SORCS1: variants seen among roughly 807,000 people sequenced by gnomAD.
SORCS1 encodes VPS10 domain-containing receptor SorCS1.
Under a neutral mutation model 146.1 loss-of-function variants are expected in SORCS1, and 60 were observed. The observed-to-expected ratio is 0.41, with a 90% confidence interval of 0.33 to 0.51. The LOEUF is 0.51. Among genes scored for constraint, SORCS1 ranks in the 20% least tolerant of loss-of-function variants. The pLI is 0.21. For synonymous variants in SORCS1, 637 were observed against 584.0 expected, an observed-to-expected ratio of 1.09 and a Z score of -1.31; for missense variants, 1,352 against 1,487.6, an observed-to-expected ratio of 0.91 and a Z score of 1.50.
chr10:106,618,068 G>T lies in SORCS1; in HGVS notation c.2920+81C>A. The T allele has an allele frequency of 1.9e-6, 3 of 1,569,702 alleles. No individual in the cohort carries two copies. The Admixed American group carries it at 5.2e-5, about 27-fold the overall frequency. On this transcript the variant is annotated intron_variant, in intron 21 of 25. Coordinates refer to ENST00000263054, the MANE Select transcript of SORCS1 (RefSeq NM_052918.5). ...TCTCCAGGTAAAAGTCACAGCTGGG[G>T]GATGGTCTCTGGCATCATGGCACAA...
intron 3 of SORCS1, among the ~76,000 whole-genome samples, chr10:106,826,553 CTT>C (rs1948314639): frequency 6.6e-6 from 1 of 152,192 alleles, no homozygotes; most frequent in African/African-American, 2.4e-5. Context: ...AGTACTATCT[CTT>C]TGATTCAAAT....
intron 2 of SORCS1, among the ~76,000 whole-genome samples, chr10:106,857,974 C>T (rs4918265): frequency 0.44 from 66,855 of 151,958 alleles, 14,795 homozygotes; most frequent in East Asian, 0.49. Flanking sequence ...ACATATAATT[C>T]AAATGTGCTG....
At position 106,657,661 on chromosome 10, in the gene SORCS1, A is replaced by ATGTGTGTGTGTGTGTG. The variant is rs10561308; in HGVS notation, c.2304-5124_2304-5109dup. Among the ~76,000 whole-genome samples the ATGTGTGTGTGTGTGTG allele has an allele frequency of 8.3e-5, 12 of 145,294 alleles. No homozygotes were observed. In the Admixed American group the frequency reaches 8.4e-4, roughly 10 times the overall value. On this transcript the variant is annotated intron_variant, in intron 17 of 25. Coordinates refer to ENST00000263054, the MANE Select transcript of SORCS1 (RefSeq NM_052918.5). ...ATATCTCAAAAATATATAACACTAT[A>ATGTGTGTGTGTGTGTG]TGTGTGTGTGTGTGTGTGTGTGTGT...
intron 2 of SORCS1, among the ~76,000 whole-genome samples, chr10:106,899,194 T>G (rs1228203712): frequency 6.6e-6 from 1 of 152,222 alleles, no homozygotes; most frequent in African/African-American, 2.4e-5. Context: ...TTGCTCTTCC[T>G]GTCAGTCACA....
chr10:106,639,302 C>G (rs796941065), intron 18 of SORCS1, among the ~76,000 whole-genome samples: 1 of 152,166 alleles, frequency 6.6e-6, no homozygotes, highest in Non-Finnish European at 1.5e-5. Flanking sequence ...AGTAGGCAGA[C>G]TAGGAGATTG....
chr10:106,707,140 G>A (rs979705729), intron 7 of SORCS1, among the ~76,000 whole-genome samples: 3 of 151,892 alleles, frequency 2.0e-5, no homozygotes, highest in Non-Finnish European at 2.9e-5. Context: ...TGGAAAACCA[G>A]GCTAGGATTG....
chr10:107,029,938 A>G (rs1235033160), intron 1 of SORCS1, among the ~76,000 whole-genome samples: 1 of 152,226 alleles, frequency 6.6e-6, no homozygotes, highest in Non-Finnish European at 1.5e-5. Context: ...CACAGCAATG[A>G]AAGAGTTGAT....
At chr10:107,072,659 C>T (rs1016331228) in intron 1 of SORCS1, among the ~76,000 whole-genome samples, 4 of 148,692 alleles carry the variant, frequency 2.7e-5, no homozygotes, top group Non-Finnish European at 5.9e-5. Flanking sequence ...AGAGAGAGAA[C>T]GAGAACACTT....
intron 2 of SORCS1, among the ~76,000 whole-genome samples, chr10:106,891,639 AC>A (rs1423204055): frequency 6.6e-6 from 1 of 151,924 alleles, no homozygotes; most frequent in Non-Finnish European, 1.5e-5. Flanking sequence ...CACTGAGATT[AC>A]AGGCATGAAC....
intron 5 of SORCS1, among the ~76,000 whole-genome samples, chr10:106,753,181 G>A (rs1422784074): frequency 6.6e-6 from 1 of 151,832 alleles, no homozygotes; most frequent in Non-Finnish European, 1.5e-5. Flanking sequence ...AACCTTTTTA[G>A]ACTTCATCCT....
At chr10:107,116,100 A>G (rs1966021136) in intron 1 of SORCS1, among the ~76,000 whole-genome samples, 1 of 151,688 alleles carries the variant, frequency 6.6e-6, no homozygotes, top group Non-Finnish European at 1.5e-5. Flanking sequence ...GGCCATTATC[A>G]AAAAGACAAA....
intron 23 of SORCS1, among the ~76,000 whole-genome samples, chr10:106,601,987 A>G (rs1163367222): frequency 6.6e-6 from 1 of 152,256 alleles, no homozygotes; most frequent in Non-Finnish European, 1.5e-5. Context: ...CAAAGAACAC[A>G]TTCAACATCC....
intron 1 of SORCS1, among the ~76,000 whole-genome samples, chr10:106,970,734 CTTTTTATTT>C (rs1267607678): frequency 6.6e-6 from 1 of 151,288 alleles, no homozygotes; most frequent in African/African-American, 2.4e-5. Context: ...TCTGACAACT[CTTTTTATTT>C]TTTTTATTTT....
intron 1 of SORCS1, among the ~76,000 whole-genome samples, chr10:107,081,381 T>G (rs1266836076): frequency 1.3e-5 from 2 of 152,232 alleles, no homozygotes; most frequent in African/African-American, 4.8e-5. Flanking sequence ...TTGACTTGAT[T>G]GCTTTTTATA....
intron 2 of SORCS1, among the ~76,000 whole-genome samples, chr10:106,942,999 G>T (rs1017913863): frequency 6.6e-6 from 1 of 152,088 alleles, no homozygotes; most frequent in Non-Finnish European, 1.5e-5. Flanking sequence ...CTTCTTGAGA[G>T]AGCTGTCTTC....
At chr10:106,618,967 C>T (rs1847562223) in intron 20 of SORCS1, among the ~76,000 whole-genome samples, 1 of 152,300 alleles carries the variant, frequency 6.6e-6, no homozygotes, top group Admixed American at 6.5e-5. Flanking sequence ...TATTAGCCTA[C>T]TGACCTCCCT....
intron 20 of SORCS1, among the ~76,000 whole-genome samples, chr10:106,618,502 TATC>T (rs2133474257): frequency 6.6e-6 from 1 of 152,310 alleles, no homozygotes; most frequent in Non-Finnish European, 1.5e-5. Flanking sequence ...GAATTCCTGA[TATC>T]ATCCTGATTC....
intron 1 of SORCS1, among the ~76,000 whole-genome samples, chr10:107,103,020 A>AC: frequency 6.6e-6 from 1 of 152,136 alleles, no homozygotes; most frequent in East Asian, 1.9e-4. Context: ...AATTCGTTCT[A>AC]CCCCCATACC....
At chr10:106,834,441 A>G (rs1162016998) in intron 2 of SORCS1, among the ~76,000 whole-genome samples, 4 of 152,354 alleles carry the variant, frequency 2.6e-5, no homozygotes, top group African/African-American at 7.2e-5. Flanking sequence ...AGCATATTTC[A>G]TGCGACATTT....
Sources: gnomAD v4.1 joint callset for allele counts (sites outside exome capture counted in the v4.1 genomes callset) on GRCh38, gnomAD v4.1.1 for gene constraint, MANE v1.5 for transcripts, NCBI Gene and HGNC (gene_info 2026-07-23, HGNC 2026-07-21) for gene names.